The following WWC2 variants were observed in gnomAD, a reference collection of about 807,000 sequenced individuals.
WWC2 encodes the protein WW and C2 domain containing 2, also known as protein WWC2.
In WWC2, 101 loss-of-function variants were observed where a neutral mutation model predicts 138.5. The ratio of observed to expected loss-of-function variants is 0.73; its 90% confidence interval spans 0.62 to 0.86. The LOEUF is 0.86. WWC2 is among the 40% of genes least tolerant of loss of function. WWC2 has a pLI of 0.00. For synonymous variants in WWC2, 558 were observed against 538.4 expected (o/e 1.04, Z -0.50); for missense variants, 1,420 against 1,419.4 (o/e 1.00, Z -0.01).
chr4:183,165,228 C>G (rs1734099899), intron 1 of WWC2, among the ~76,000 whole-genome samples: 1 of 152,064 alleles, frequency 6.6e-6, no homozygotes, highest in South Asian at 2.1e-4. Flanking sequence ...CTTGGAGTGT[C>G]AGGGACACAT....
Position 183,174,538 on chromosome 4 carries a change from T to C in WWC2, c.132-19061T>C, listed in dbSNP as rs372284196. On this transcript the variant is annotated intron_variant, in intron 1 of 22. Coordinates refer to ENST00000403733, the MANE Select transcript of WWC2 (RefSeq NM_024949.6). The stretch of plus-strand genomic sequence containing the variant: ...CCCATTGTCCTTTTGTGTTTATGCC[T>C]TTTAAAAAATCCCCTTTCTGCTATT... 2.0e-4 allele frequency among the ~76,000 whole-genome samples: 30 copies of C among 152,334 alleles called. 1 individual carries two copies. In the East Asian group the frequency reaches 4.0e-3, roughly 21 times the overall value.
At chr4:183,242,977 AAGG>A (rs1341478417) in intron 5 of WWC2, among the ~76,000 whole-genome samples, 2 of 152,192 alleles carry the variant, frequency 1.3e-5, no homozygotes, top group Non-Finnish European at 2.9e-5. Context: ...GAGAAGTTCA[AAGG>A]AGGCAAAAGA....
At chr4:183,187,726 A>G (rs1432581367) in intron 1 of WWC2, among the ~76,000 whole-genome samples, 3 of 151,434 alleles carry the variant, frequency 2.0e-5, no homozygotes, top group Non-Finnish European at 4.4e-5. Context: ...CAAAAAAATT[A>G]GCTGGGCGTG....
intron 1 of WWC2, among the ~76,000 whole-genome samples, chr4:183,181,166 T>C (rs1734622011): frequency 6.6e-6 from 1 of 152,214 alleles, no homozygotes; most frequent in Non-Finnish European, 1.5e-5. Flanking sequence ...TGTGGTGAGC[T>C]CAAGTTTTGG....
At chr4:183,283,081 G>A (rs3814419) in intron 18 of WWC2, among the ~76,000 whole-genome samples, 175 bp downstream of exon 18, 32,060 of 152,042 alleles carry the variant, frequency 0.21, 3,510 homozygotes, top group Non-Finnish European at 0.24. Flanking sequence ...ATGCTTTAAC[G>A]TTTTAAAATG....
chr4:183,301,945 A>G (rs1049065530), intron 21 of WWC2, among the ~76,000 whole-genome samples: 15 of 152,172 alleles, frequency 9.9e-5, no homozygotes, highest in Non-Finnish European at 1.9e-4. Context: ...TTGTTCTGAA[A>G]TTTGCTTCTT....
chr4:183,222,848 C>G (rs1298479403), intron 4 of WWC2, among the ~76,000 whole-genome samples: 2 of 152,080 alleles, frequency 1.3e-5, no homozygotes, highest in African/African-American at 4.8e-5. Flanking sequence ...TACCTGTAGT[C>G]CCAGCTACTC....
Position 183,269,062 on chromosome 4 carries a change from A to G in WWC2, c.2299A>G (p.Asn767Asp), listed in dbSNP as rs753048939. 5.0e-6 allele frequency: 8 copies of G among 1,613,940 alleles called. 1 individual carries two copies. The South Asian group carries it at 8.8e-5, about 18-fold the overall frequency. ...TCCGCCCACAGAATCCATTTTATTC[A>G]ATGATGTGTTCAGAGTCGCCATTTC... ...VHPPTESILF[N>D]DVFRVAISQT... The change falls in exon 15 of 23, where the codon AAT becomes GAT. Residue 767 changes from asparagine to aspartate, a missense_variant. Transcript: ENST00000403733.
rs763000869 is a variant in WWC2, at chr4:183,289,545, G to A, written c.3294G>A (p.Glu1098=). The change falls in exon 21 of 23, where the codon GAG becomes GAA. Residue 1098 remains glutamate (E), a synonymous_variant. Transcript: ENST00000403733. The stretch of plus-strand genomic sequence containing the variant: ...TGAGGGACTTGCGGCAGAAGCTGGA[G>A]GAACTGAAAGCTCAGGGAGAGACTG... ...QALRDLRQKL[E]ELKAQGETDL... 2.5e-6 allele frequency: 4 copies of A among 1,614,002 alleles called. No individual in the cohort carries two copies. In the Admixed American group the frequency reaches 6.7e-5, roughly 27 times the overall value.
intron 1 of WWC2, among the ~76,000 whole-genome samples, chr4:183,165,455 A>G (rs1734106485): frequency 6.6e-6 from 1 of 152,178 alleles, no homozygotes; most frequent in Non-Finnish European, 1.5e-5. Flanking sequence ...TTTAGTGGAG[A>G]TGTGCTGAGG....
chr4:183,240,063 G>A (rs1736568495), intron 4 of WWC2, 120 bp from the exon 5 acceptor site: 1 of 664,348 alleles, frequency 1.5e-6, no homozygotes, highest in Non-Finnish European at 2.5e-6. Flanking sequence ...TAAAGTAAAT[G>A]TTACTTTAAC....
At position 183,292,111 on chromosome 4, in the gene WWC2, A is replaced by G. The variant is rs1738472757; in HGVS notation, c.3384+2476A>G. 3.9e-5 allele frequency among the ~76,000 whole-genome samples: 6 copies of G among 152,074 alleles called. 1 individual carries two copies. The South Asian group carries it at 1.2e-3, about 32-fold the overall frequency. On this transcript the variant is annotated intron_variant, in intron 21 of 22. Coordinates refer to ENST00000403733, the MANE Select transcript of WWC2 (RefSeq NM_024949.6). ...CTTGGAAGGCTGAGGTGGGAGGATC[A>G]CTTTAGCCCAGGAGGTAGAGGCTGC...
chr4:183,259,879 A>ATTT (rs890131877), intron 10 of WWC2, among the ~76,000 whole-genome samples, 151 bp downstream of exon 10: 1 of 152,164 alleles, frequency 6.6e-6, no homozygotes, highest in African/African-American at 2.4e-5. Context: ...TTAAAGTCAC[A>ATTT]TTTTCTTTTG....
chr4:183,167,802 A>C (rs1204030289), intron 1 of WWC2, among the ~76,000 whole-genome samples: 3 of 151,824 alleles, frequency 2.0e-5, no homozygotes, highest in Non-Finnish European at 4.4e-5. Flanking sequence ...AATTTTGAGT[A>C]TCCTGAATGC....
intron 4 of WWC2, among the ~76,000 whole-genome samples, chr4:183,222,404 A>T (rs956054905): frequency 2.0e-5 from 3 of 152,040 alleles, no homozygotes; most frequent in African/African-American, 4.8e-5. Context: ...ATATAAAATT[A>T]AAAAATCATA....
At chr4:183,162,740 C>T (rs573219781) in intron 1 of WWC2, among the ~76,000 whole-genome samples, 37 of 152,194 alleles carry the variant, frequency 2.4e-4, no homozygotes, top group Non-Finnish European at 4.6e-4. Flanking sequence ...TTCCTTCTTC[C>T]CACAGAGGCC....
At chr4:183,218,406 G>A (rs368677852) in intron 4 of WWC2, among the ~76,000 whole-genome samples, 82 of 151,494 alleles carry the variant, frequency 5.4e-4, no homozygotes, top group African/African-American at 1.9e-3. Flanking sequence ...ATCTGTTTGA[G>A]TCTCTGCTTT....
chr4:183,193,945 T>C (rs1243223667), intron 2 of WWC2, among the ~76,000 whole-genome samples: 2 of 152,204 alleles, frequency 1.3e-5, no homozygotes, highest in Non-Finnish European at 2.9e-5. Context: ...CCTGCCTGCC[T>C]GCTGGGGAAT....
chr4:183,278,901 A>G (rs1296133382), intron 16 of WWC2, among the ~76,000 whole-genome samples: 2 of 151,092 alleles, frequency 1.3e-5, no homozygotes, highest in East Asian at 1.9e-4. Context: ...GGTTTTCTAG[A>G]TATACAATCA....
Sources: gnomAD v4.1 joint callset for allele counts (sites outside exome capture counted in the v4.1 genomes callset) on GRCh38, gnomAD v4.1.1 for gene constraint, MANE v1.5 for transcripts, NCBI Gene and HGNC (gene_info 2026-07-23, HGNC 2026-07-21) for gene names.